Variants in STK4 observed in about 807,000 individuals in gnomAD.
STK4 encodes serine/threonine kinase 4, also known as serine/threonine-protein kinase 4.
Under a neutral mutation model 64.9 loss-of-function variants are expected in STK4, and 30 were observed. That is an observed-to-expected ratio of 0.46 (90% confidence interval 0.35 to 0.63). STK4 has a LOEUF of 0.63. Ranked by LOEUF, STK4 falls within the 20% of genes least tolerant of loss-of-function variation. STK4 has a pLI of 0.01. For synonymous variants in STK4, 177 were observed against 199.0 expected (o/e 0.89, Z 0.93); for missense variants, 466 against 598.5 (o/e 0.78, Z 2.31).
At chr20:45,073,476 G>A (rs1980255222) in intron 10 of STK4, among the ~76,000 whole-genome samples, 1 of 152,196 alleles carries the variant, frequency 6.6e-6, no homozygotes, top group East Asian at 1.9e-4. Context: ...ACTCAAGGAA[G>A]GGTAGACAGA....
At chr20:44,967,941 G>A (rs989387880) in intron 1 of STK4, among the ~76,000 whole-genome samples, 1 of 152,118 alleles carries the variant, frequency 6.6e-6, no homozygotes, top group Non-Finnish European at 1.5e-5. Flanking sequence ...GCTGATATTT[G>A]ACCATTTTTG....
At chr20:44,969,718 T>G (rs1238977580) in intron 1 of STK4, among the ~76,000 whole-genome samples, 1 of 152,224 alleles carries the variant, frequency 6.6e-6, no homozygotes, top group African/African-American at 2.4e-5. Flanking sequence ...TGTTCATTTA[T>G]GAGCAAGTGC....
Position 45,024,937 on chromosome 20 carries a change from T to C in STK4, c.1148-36T>C, listed in dbSNP as rs749841046. On this transcript the variant is annotated intron_variant, in intron 9 of 10. Transcript: ENST00000372806. ...TATTAAACTTACCTAAAATTTAGAATGTTTCTTTTCATTTTTCATTTTTCT... is the reference window on the plus strand; with the variant it reads ...TATTAAACTTACCTAAAATTTAGAACGTTTCTTTTCATTTTTCATTTTTCT... The C allele has an allele frequency of 2.6e-6, 4 of 1,512,638 alleles. No homozygotes were observed. The African/African-American group carries it at 5.7e-5, about 21-fold the overall frequency. The allele number at this position is 1,512,638 out of a possible 1,614,324, so 93.7% of individuals were successfully genotyped here.
chr20:44,966,601 C>A lies in STK4; in HGVS notation c.33C>A (p.Arg11=). The change falls in exon 1 of 11, where the codon CGC becomes CGA. Residue 11 remains arginine (R), a splice_region_variant and synonymous_variant. Coordinates refer to ENST00000372806, the MANE Select transcript of STK4 (RefSeq NM_006282.5). METVQLRNPP[R]RQLKKLDEDS... is the part of the protein sequence containing the mutation. The stretch of plus-strand genomic sequence containing the variant: ...CGGTACAGCTGAGGAACCCGCCGCG[C>A]CGGTGAGGGGCCACTGGCTAAGAGG... 1 of 1,273,618 alleles carries A rather than the reference C, an allele frequency of 7.9e-7. No individual in the cohort carries two copies. Among genetic ancestry groups the A allele is most frequent in the Non-Finnish European group, 1.0e-6 (1 of 1,001,518 alleles). The allele number at this position is 1,273,618 out of a possible 1,614,324, so 78.9% of individuals were successfully genotyped here.
chr20:44,980,197 A>G (rs2067413063), intron 3 of STK4, among the ~76,000 whole-genome samples: 2 of 152,240 alleles, frequency 1.3e-5, no homozygotes, highest in Non-Finnish European at 2.9e-5. Context: ...TACAGTATTT[A>G]ACTCCTGTCA....
chr20:44,993,279 T>C (rs1246410975), intron 5 of STK4, among the ~76,000 whole-genome samples: 1 of 152,024 alleles, frequency 6.6e-6, no homozygotes, highest in Non-Finnish European at 1.5e-5. Context: ...TATACACATA[T>C]GCCATAGTGA....
intron 10 of STK4, among the ~76,000 whole-genome samples, chr20:45,028,183 A>T (rs188547217): frequency 1.3e-5 from 2 of 152,112 alleles, no homozygotes; most frequent in Non-Finnish European, 2.9e-5. Context: ...AGGAACCTCT[A>T]TACTGTTTTT....
At chr20:45,063,931 C>A (rs960563670) in intron 10 of STK4, among the ~76,000 whole-genome samples, 14 of 152,028 alleles carry the variant, frequency 9.2e-5, no homozygotes, top group Admixed American at 7.9e-4. Context: ...CCTCAGCCTC[C>A]CGAGTAGCTG....
intron 5 of STK4, among the ~76,000 whole-genome samples, chr20:44,988,014 G>A (rs1451667072): frequency 6.6e-6 from 1 of 151,328 alleles, no homozygotes; most frequent in Non-Finnish European, 1.5e-5. Context: ...CCTGGGACAT[G>A]TTAGGGAGCC....
intron 5 of STK4, among the ~76,000 whole-genome samples, chr20:44,994,262 A>G (rs1310201274): frequency 1.3e-5 from 2 of 151,308 alleles, no homozygotes; most frequent in East Asian, 3.9e-4. Context: ...GATTCTGCCT[A>G]CTAGATATAA....
intron 7 of STK4, among the ~76,000 whole-genome samples, chr20:45,000,130 C>T (rs2067809215): frequency 6.6e-6 from 1 of 152,160 alleles, no homozygotes; most frequent in African/African-American, 2.4e-5. Flanking sequence ...AGATGATACT[C>T]CCTATTGAGA....
intron 3 of STK4, 149 bp downstream of exon 3, chr20:44,978,720 A>G (rs760034190): frequency 1.1e-6 from 1 of 923,144 alleles, no homozygotes; most frequent in Non-Finnish European, 1.5e-6. Context: ...TTCAGAAAAA[A>G]ATATGATGAT....
intron 10 of STK4, among the ~76,000 whole-genome samples, chr20:45,040,493 T>G (rs1271886329): frequency 6.6e-6 from 1 of 152,064 alleles, no homozygotes; most frequent in African/African-American, 2.4e-5. Context: ...ACCCCAGTAG[T>G]TACTTTTAAA....
chr20:45,041,728 G>A (rs2068616940), intron 10 of STK4, among the ~76,000 whole-genome samples: 1 of 151,226 alleles, frequency 6.6e-6, no homozygotes, highest in South Asian at 2.1e-4. Context: ...TTATTCAGAG[G>A]TCTCCCTCTG....
intron 10 of STK4, among the ~76,000 whole-genome samples, chr20:45,041,632 G>C (rs190617792): frequency 6.6e-6 from 1 of 150,596 alleles, no homozygotes; most frequent in East Asian, 1.9e-4. Context: ...GGTTTTTTAG[G>C]TTCATGCTTT....
Position 45,018,260 on chromosome 20 carries a change from G to GA in STK4, c.1148-6705dup, listed in dbSNP as rs1305946161. Among the ~76,000 whole-genome samples the GA allele has an allele frequency of 3.3e-5, 5 of 151,794 alleles. No individual in the cohort carries two copies. The South Asian group carries it at 8.3e-4, about 25-fold the overall frequency. ...TGCAAACATTCATGCATGAAACAGA[G>GA]AAAAAAAATCAGGCTCTGCCCAGTT... On this transcript the variant is annotated intron_variant, in intron 9 of 10. Transcript: ENST00000372806.
At chr20:45,036,994 C>T (rs1260448398) in intron 10 of STK4, among the ~76,000 whole-genome samples, 1 of 152,130 alleles carries the variant, frequency 6.6e-6, no homozygotes, top group Non-Finnish European at 1.5e-5. Context: ...TGGTTGACTA[C>T]AGTTATACAG....
chr20:44,973,758 A>C (rs1313721765), intron 2 of STK4, among the ~76,000 whole-genome samples: 1 of 152,212 alleles, frequency 6.6e-6, no homozygotes, highest in Admixed American at 6.5e-5. Flanking sequence ...CTCATCTGTA[A>C]AGTTGGGATA....
At chr20:44,993,486 A>G (rs187314473) in intron 5 of STK4, among the ~76,000 whole-genome samples, 20 of 152,300 alleles carry the variant, frequency 1.3e-4, no homozygotes, top group East Asian at 5.8e-4. Flanking sequence ...CACCCTTGCA[A>G]ATTTGAAGTT....
Sources: allele counts gnomAD v4.1 joint callset (sites outside exome capture counted in the v4.1 genomes callset), GRCh38; gene constraint gnomAD v4.1.1; transcripts MANE v1.5; gene names NCBI Gene and HGNC (gene_info 2026-07-23, HGNC 2026-07-21).